WDR36: variants seen among roughly 807,000 people sequenced by gnomAD.
The protein encoded by WDR36 is WD repeat-containing protein 36.
Under a neutral mutation model 112.7 loss-of-function variants are expected in WDR36, and 63 were observed. The ratio of observed to expected loss-of-function variants is 0.56; its 90% CI spans 0.46 to 0.69. The LOEUF is 0.69. Ranked by LOEUF, WDR36 falls within the 30% of genes least tolerant of loss-of-function variation. WDR36 has a pLI of 0.00. For missense variants in WDR36, 1,226 were observed against 1,070.3 expected, an observed-to-expected ratio of 1.15 and a Z score of -2.03; for synonymous variants, 410 against 362.2, an observed-to-expected ratio of 1.13 and a Z score of -1.50.
At chr5:111,115,582 GA>G (rs919537243) in intron 16 of WDR36, among the ~76,000 whole-genome samples, 35 of 146,688 alleles carry the variant, frequency 2.4e-4, no homozygotes, top group African/African-American at 2.7e-4. Flanking sequence ...GATTTGCTTG[GA>G]AAAAAAAAAC....
At chr5:111,112,741 C>T (rs1459362951) in intron 15 of WDR36, among the ~76,000 whole-genome samples, 2 of 151,766 alleles carry the variant, frequency 1.3e-5, no homozygotes, top group African/African-American at 4.8e-5. Flanking sequence ...CCTTATCACA[C>T]ACATAAACAT....
chr5:111,104,848 T>G lies in WDR36; in HGVS notation c.1027+31T>G, dbSNP rs78937749. 6,831 of 1,609,610 alleles carry G rather than the reference T, an allele frequency of 4.2e-3. 274 individuals carry two copies. In the African/African-American group the frequency reaches 0.082, roughly 19 times the overall value. On this transcript the variant is annotated intron_variant, in intron 9 of 22. Transcript: ENST00000513710. ...CTTCTGCTTCATACTATTAGTTTATTTCAGCAAGTATTGAGATGTGGGTGC... is the reference window on the plus strand; with the variant it reads ...CTTCTGCTTCATACTATTAGTTTATGTCAGCAAGTATTGAGATGTGGGTGC...
At chr5:111,125,510 C>A in intron 21 of WDR36, 98 bp from the exon 22 acceptor site, 1 of 1,231,962 alleles carries the variant, frequency 8.1e-7, no homozygotes, top group Non-Finnish European at 1.1e-6. Context: ...TTTCCTGTAC[C>A]ATTTAAATAT....
At chr5:111,092,799 C>T (rs972009787) in intron 1 of WDR36, among the ~76,000 whole-genome samples, 181 bp downstream of exon 1, 2 of 152,272 alleles carry the variant, frequency 1.3e-5, no homozygotes, top group African/African-American at 2.4e-5. Context: ...ACTTGCAGTC[C>T]TCCTGGGGCG....
At position 111,110,802 on chromosome 5, in the gene WDR36, G is replaced by A. The variant is rs1209978517; in HGVS notation, c.1456G>A (p.Val486Ile). Residue 486 changes from valine to isoleucine, a missense_variant, in exon 14 of 23, where the codon GTT becomes ATT. Physicochemically the swap from Val to Ile is conservative, Grantham distance 29. Transcript: ENST00000513710. Reference sequence around the variant, plus strand: ...CTACCTTACAGCTCACAAGGGATCTGTTAGAGGTGTCGCAGTGGATGGATT... The same window carrying A: ...CTACCTTACAGCTCACAAGGGATCTATTAGAGGTGTCGCAGTGGATGGATT... ...FGKDQAHKGS[V>I]RGVAVDGLNQ... 1 of 1,610,784 alleles carries A rather than the reference G, an allele frequency of 6.2e-7. No homozygotes were observed. The highest frequency in any genetic ancestry group is 8.5e-7 in the Non-Finnish European group (1 of 1,177,948).
At chr5:111,110,442 AC>A in intron 13 of WDR36, 139 bp downstream of exon 13, 2 of 740,232 alleles carry the variant, frequency 2.7e-6, no homozygotes, top group Non-Finnish European at 4.7e-6. Context: ...TATGGCAGAT[AC>A]TGCAATTGTA....
At chr5:111,117,409 T>G (rs1753475970) in intron 16 of WDR36, among the ~76,000 whole-genome samples, 1 of 152,198 alleles carries the variant, frequency 6.6e-6, no homozygotes, top group Admixed American at 6.5e-5. Context: ...TTCATTTACA[T>G]TTGAGCTGCT....
chr5:111,098,668 A>G (rs972937412), intron 3 of WDR36, 54 bp from the exon 4 acceptor site: 3 of 1,137,580 alleles, frequency 2.6e-6, no homozygotes, highest in Middle Eastern at 2.0e-4. Flanking sequence ...TATGAATAAT[A>G]TGACATGATG....
Position 111,128,505 on chromosome 5 carries a change from A to T in WDR36, c.*1622A>T, listed in dbSNP as rs1753721377. On this transcript the variant is annotated 3_prime_UTR_variant, in exon 23 of 23. Coordinates refer to ENST00000513710, the MANE Select transcript of WDR36 (RefSeq NM_139281.3). ...TCCTCTTTCCTAAATACTATATTCT[A>T]AATTGGAATATGGCAAAATCCCAAT... The T allele has an allele frequency of 5.6e-6, 1 of 179,682 alleles. No homozygotes were observed. Among genetic ancestry groups the T allele is most frequent in the Non-Finnish European group, 1.2e-5 (1 of 83,788 alleles). 11.1% of individuals were successfully genotyped at this position (179,682 alleles called of 1,614,324 possible).
chr5:111,098,981 GA>G (rs1161199878), intron 4 of WDR36, 142 bp downstream of exon 4: 19 of 646,422 alleles, frequency 2.9e-5, no homozygotes, highest in African/African-American at 9.2e-5. Flanking sequence ...TAACGTGTAA[GA>G]AAAAAAGTTC....
chr5:111,126,291 T>C (rs542174858), intron 22 of WDR36, among the ~76,000 whole-genome samples: 5 of 152,142 alleles, frequency 3.3e-5, no homozygotes, highest in African/African-American at 1.2e-4. Flanking sequence ...ATTAAAGGAG[T>C]TTTGATCATT....
rs375261692 is a variant in WDR36, at chr5:111,106,052, C to A, written c.1094-5C>A. ...TATGTATGTTCCCCTTTCCCCCATCCTTAGGATTAATAAATAAAAAGAGAG... is the reference window on the plus strand; with the variant it reads ...TATGTATGTTCCCCTTTCCCCCATCATTAGGATTAATAAATAAAAAGAGAG... On this transcript the variant is annotated splice_region_variant and splice_polypyrimidine_tract_variant and intron_variant, in intron 10 of 22. Coordinates refer to ENST00000513710, the MANE Select transcript of WDR36 (RefSeq NM_139281.3). 124 of 1,604,296 alleles carry A rather than the reference C, an allele frequency of 7.7e-5. No homozygotes were observed. The highest frequency in any genetic ancestry group is 1.0e-4 in the Non-Finnish European group (122 of 1,172,278).
intron 3 of WDR36, among the ~76,000 whole-genome samples, chr5:111,098,317 A>T (rs1181481410): frequency 1.3e-5 from 2 of 151,396 alleles, no homozygotes; most frequent in Non-Finnish European, 3.0e-5. Context: ...CCCCTTTCCC[A>T]TCTCATCTGA....
intron 6 of WDR36, among the ~76,000 whole-genome samples, chr5:111,103,252 A>T (rs1753157018): frequency 6.6e-6 from 1 of 151,784 alleles, no homozygotes; most frequent in Non-Finnish European, 1.5e-5. Context: ...TAAGACTTGT[A>T]TTATAGACCA....
chr5:111,101,655 A>C (rs149048535), intron 5 of WDR36, among the ~76,000 whole-genome samples: 56 of 151,966 alleles, frequency 3.7e-4, no homozygotes, highest in Non-Finnish European at 6.6e-4. Context: ...AAAATATTTG[A>C]CCATCCAAAT....
chr5:111,126,202 T>C (rs1446824330), intron 22 of WDR36, among the ~76,000 whole-genome samples: 1 of 152,146 alleles, frequency 6.6e-6, no homozygotes, highest in Non-Finnish European at 1.5e-5. Context: ...TTTGGAAGTT[T>C]TTTGTGATTA....
intron 4 of WDR36, among the ~76,000 whole-genome samples, chr5:111,099,668 C>A (rs17552624): frequency 0.011 from 1,602 of 151,820 alleles, 12 homozygotes; most frequent in East Asian, 0.059. Context: ...TCTTACATTC[C>A]AGCAGACTCT....
At chr5:111,118,821 A>G (rs1353532909) in intron 16 of WDR36, among the ~76,000 whole-genome samples, 192 bp from the exon 17 acceptor site, 1 of 152,046 alleles carries the variant, frequency 6.6e-6, no homozygotes, top group Non-Finnish European at 1.5e-5. Flanking sequence ...ATTAAGTGAG[A>G]TTATTTTCAC....
chr5:111,113,175 C>A (rs374522476), intron 16 of WDR36, 22 bp downstream of exon 16: 1 of 1,404,168 alleles, frequency 7.1e-7, no homozygotes, highest in Admixed American at 1.7e-5. Flanking sequence ...TTTCTAATTC[C>A]CTAACCTCTA....
Sources: allele counts gnomAD v4.1 joint callset (sites outside exome capture counted in the v4.1 genomes callset), GRCh38; gene constraint gnomAD v4.1.1; transcripts MANE v1.5; gene names NCBI Gene and HGNC (gene_info 2026-07-23, HGNC 2026-07-21).